Variants in DST observed in about 807,000 individuals in gnomAD.
DST encodes dystonin.
DST carries 253 observed loss-of-function variants against 875.2 expected under a neutral mutation model. The observed-to-expected ratio is 0.29, with a 90% CI of 0.26 to 0.32. The LOEUF (loss-of-function observed/expected upper bound fraction) is 0.32, where lower values mean the gene tolerates loss of function less well. Among genes scored for constraint, DST ranks in the 10% least tolerant of loss-of-function variants. The pLI is 1.00. For synonymous variants in DST, 3,124 were observed against 3,197.1 expected (o/e 0.98, Z 0.77); for missense variants, 8,287 against 9,111.6 (o/e 0.91, Z 3.68).
chr6:56,620,839 CCACCACCAG>C (rs1361086844), intron 36 of DST: 6 of 843,722 alleles, frequency 7.1e-6, no homozygotes, highest in African/African-American at 3.3e-5. Context: ...AGCGCTATCA[CCACCACCAG>C]CAGCATCACC....
At chr6:56,651,350 C>A in intron 10 of DST, 106 bp from the exon 11 acceptor site, 1 of 603,048 alleles carries the variant, frequency 1.7e-6, no homozygotes, top group South Asian at 3.4e-5. Flanking sequence ...AATATTAACA[C>A]CAAGCCTGCG....
intron 3 of DST, among the ~76,000 whole-genome samples, chr6:56,853,365 C>A (rs1474985265): frequency 2.6e-5 from 4 of 152,134 alleles, no homozygotes; most frequent in Non-Finnish European, 4.4e-5. Flanking sequence ...AGTTTATTTT[C>A]CATGCTTTTC....
intron 55 of DST, among the ~76,000 whole-genome samples, chr6:56,564,851 G>A (rs1308617092): frequency 6.6e-6 from 1 of 152,182 alleles, no homozygotes; most frequent in Non-Finnish European, 1.5e-5. Context: ...TGTTGGTTCT[G>A]TTTATGTGAT....
intron 4 of DST, among the ~76,000 whole-genome samples, chr6:56,840,344 A>T (rs1346487591): frequency 2.0e-5 from 3 of 152,204 alleles, no homozygotes; most frequent in African/African-American, 7.2e-5. Context: ...ACACTGGATA[A>T]TTTACTATAG....
chr6:56,658,039 T>TA (rs1402941918), intron 10 of DST, among the ~76,000 whole-genome samples: 1 of 151,854 alleles, frequency 6.6e-6, no homozygotes, highest in African/African-American at 2.4e-5. Flanking sequence ...CTGCTGGTAT[T>TA]ATAGGCATGA....
At position 56,604,668 on chromosome 6, in the gene DST, T is replaced by C. The variant is rs192725389; in HGVS notation, c.9960A>G (p.Lys3320=). 1.2e-5 allele frequency: 19 copies of C among 1,611,994 alleles called. No individual in the cohort carries two copies. In the East Asian group the frequency reaches 2.5e-4, roughly 21 times the overall value. ...TTGGTAGCTGTTGCTCAATTCTTTC[T>C]TTCTTATTATTAATTTCTAAGAATG... is the stretch of plus-strand genomic sequence containing the variant. ...DYSFLEINNK[K]ERIEQQLPKE... is the part of the protein sequence containing the mutation. The change falls in exon 40 of 104, where the codon AAA becomes AAG. Residue 3320 remains lysine (K), a synonymous_variant. Coordinates refer to ENST00000680361, the MANE Select transcript of DST (RefSeq NM_001374736.1).
intron 5 of DST, among the ~76,000 whole-genome samples, chr6:56,713,014 C>A (rs1159329648): frequency 1.3e-5 from 2 of 152,210 alleles, no homozygotes; most frequent in African/African-American, 2.4e-5. Flanking sequence ...GGGACAGATA[C>A]AGCAACCTCT....
At chr6:56,906,522 C>CATTATTATT (rs1193029590) in intron 2 of DST, among the ~76,000 whole-genome samples, 1 of 152,068 alleles carries the variant, frequency 6.6e-6, no homozygotes, top group Admixed American at 6.6e-5. Flanking sequence ...AGGGAAGAGT[C>CATTATTATT]ATTAGCATAA....
intron 62 of DST, among the ~76,000 whole-genome samples, 177 bp from the exon 63 acceptor site, chr6:56,535,469 A>G (rs1010989780): frequency 2.0e-5 from 3 of 152,312 alleles, no homozygotes; most frequent in Admixed American, 2.0e-4. Context: ...AAAGGAGACA[A>G]ACTTTAAGCA....
chr6:56,484,553 AAGT>A (rs2095501590), intron 88 of DST: 1 of 152,206 alleles, frequency 6.6e-6, no homozygotes, highest in South Asian at 2.1e-4. Context: ...AGATGAATTT[AAGT>A]AGAGTGATGT....
intron 72 of DST, among the ~76,000 whole-genome samples, chr6:56,512,534 G>A (rs2096497009): frequency 6.6e-6 from 1 of 152,134 alleles, no homozygotes; most frequent in Admixed American, 6.5e-5. Flanking sequence ...ACCAGAATGT[G>A]TATCTCCAAA....
chr6:56,801,378 A>C (rs958871585), intron 4 of DST, among the ~76,000 whole-genome samples: 3 of 152,160 alleles, frequency 2.0e-5, no homozygotes, highest in African/African-American at 7.2e-5. Flanking sequence ...TTTGCTGTAG[A>C]ATGAGGAAAT....
At chr6:56,890,784 TC>T (rs1787027600) in intron 3 of DST, among the ~76,000 whole-genome samples, 1 of 152,206 alleles carries the variant, frequency 6.6e-6, no homozygotes, top group Non-Finnish European at 1.5e-5. Context: ...CTGACTCATC[TC>T]CTTTGCAGTT....
intron 63 of DST, 89 bp downstream of exon 63, chr6:56,535,023 ACTAGGTTATC>A (rs1373135163): frequency 7.3e-7 from 1 of 1,368,876 alleles, no homozygotes; most frequent in East Asian, 2.4e-5. Context: ...CAACCGGTTA[ACTAGGTTATC>A]CTATTAATTA....
intron 24 of DST, 111 bp downstream of exon 24, chr6:56,635,478 A>G (rs2098816171): frequency 7.3e-6 from 8 of 1,094,168 alleles, no homozygotes; most frequent in Non-Finnish European, 1.1e-5. Flanking sequence ...TGTGTAATTG[A>G]ATTAGTGGGA....
At chr6:56,517,002 T>A (rs1583719251) in intron 71 of DST, among the ~76,000 whole-genome samples, 196 bp downstream of exon 71, 2 of 152,180 alleles carry the variant, frequency 1.3e-5, no homozygotes, top group African/African-American at 2.4e-5. Context: ...AAAAAGATTG[T>A]CCTCATAGTG....
intron 36 of DST, chr6:56,615,294 C>T (rs755338327): frequency 7.6e-7 from 1 of 1,307,924 alleles, no homozygotes; most frequent in South Asian, 1.9e-5. Flanking sequence ...TTTCAAAAAA[C>T]CATTCTCAAG....
Position 56,640,624 on chromosome 6 carries a change from G to C in DST, c.2028-19C>G. The C allele has an allele frequency of 6.3e-7, 1 of 1,589,028 alleles. No individual in the cohort carries two copies. Among genetic ancestry groups the C allele is most frequent in the African/African-American group, 1.3e-5 (1 of 74,490 alleles). The stretch of plus-strand genomic sequence containing the variant: ...TGCAACCCTGAAAAGAAAATCCAAA[G>C]GGATAAGGTGAAATATAAAGGCACT... On this transcript the variant is annotated intron_variant, in intron 17 of 103. Coordinates refer to ENST00000680361, the MANE Select transcript of DST (RefSeq NM_001374736.1).
At chr6:56,661,831 G>T (rs1326206746) in intron 10 of DST, among the ~76,000 whole-genome samples, 1 of 152,138 alleles carries the variant, frequency 6.6e-6, no homozygotes, top group Non-Finnish European at 1.5e-5. Context: ...CGGGTGATCC[G>T]CCCGCCTTGG....
Sources: gnomAD v4.1 joint callset for allele counts (sites outside exome capture counted in the v4.1 genomes callset) on GRCh38, gnomAD v4.1.1 for gene constraint, MANE v1.5 for transcripts, NCBI Gene and HGNC (gene_info 2026-07-23, HGNC 2026-07-21) for gene names.